Variants in PTGFRN observed in about 807,000 individuals in gnomAD.
PTGFRN encodes the protein prostaglandin F2 receptor negative regulator.
In PTGFRN, 35 loss-of-function variants were observed where a neutral mutation model predicts 83.2. The ratio of observed to expected loss-of-function variants is 0.42; its 90% CI spans 0.32 to 0.56. The LOEUF (loss-of-function observed/expected upper bound fraction) is 0.56, where lower values mean the gene tolerates loss of function less well. Among genes scored for constraint, PTGFRN ranks in the 20% least tolerant of loss-of-function variants. The pLI is 0.11. For synonymous variants in PTGFRN, 519 were observed against 498.6 expected (o/e 1.04, Z -0.55); for missense variants, 1,051 against 1,179.5 (o/e 0.89, Z 1.60).
chr1:116,967,664 A>T (rs1650879301), intron 6 of PTGFRN, among the ~76,000 whole-genome samples: 2 of 152,150 alleles, frequency 1.3e-5, no homozygotes. Flanking sequence ...TGGACATTTC[A>T]CATAAATGGA....
At chr1:116,959,776 C>T (rs1317525706) in intron 4 of PTGFRN, among the ~76,000 whole-genome samples, 1 of 151,980 alleles carries the variant, frequency 6.6e-6, no homozygotes, top group Non-Finnish European at 1.5e-5. Context: ...GAGTTTGAGA[C>T]CAGCCTGTCC....
chr1:116,912,869 T>G (rs1477027979), intron 1 of PTGFRN, among the ~76,000 whole-genome samples: 1 of 152,222 alleles, frequency 6.6e-6, no homozygotes, highest in Non-Finnish European at 1.5e-5. Context: ...TGCCTGCGTA[T>G]TAATATTTCC....
intron 3 of PTGFRN, among the ~76,000 whole-genome samples, chr1:116,948,321 G>A (rs1471498068): frequency 6.6e-6 from 1 of 152,234 alleles, no homozygotes; most frequent in African/African-American, 2.4e-5. Flanking sequence ...TCTGCCTTGA[G>A]TCTGTGACAC....
At chr1:116,956,775 A>G (rs538984687) in intron 4 of PTGFRN, among the ~76,000 whole-genome samples, 5 of 152,204 alleles carry the variant, frequency 3.3e-5, no homozygotes, top group African/African-American at 1.2e-4. Context: ...GTCAAGTGGC[A>G]ATGGGAGGTT....
At chr1:116,973,264 A>G (rs961190770) in intron 6 of PTGFRN, among the ~76,000 whole-genome samples, 1 of 152,104 alleles carries the variant, frequency 6.6e-6, no homozygotes, top group Non-Finnish European at 1.5e-5. Context: ...CTTTTCAGCA[A>G]AAAGTACTGA....
intron 4 of PTGFRN, among the ~76,000 whole-genome samples, chr1:116,953,227 G>A (rs1650392787): frequency 6.6e-6 from 1 of 152,248 alleles, no homozygotes; most frequent in African/African-American, 2.4e-5. Flanking sequence ...CTCTTCAGCA[G>A]TGTGCCAGCA....
In PTGFRN at chr1:116,941,755, C is replaced by A; in HGVS notation, c.90C>A (p.Thr30=). The A allele has an allele frequency of 6.2e-7, 1 of 1,614,056 alleles. No homozygotes were observed. The highest frequency in any genetic ancestry group is 1.1e-5 in the South Asian group (1 of 91,074). Residue 30 remains threonine, a synonymous_variant, in exon 2 of 9, where the codon ACC becomes ACA. Transcript: ENST00000393203. This position sits in a 1 kb window ranked among gnomAD's most constrained non-coding sequence, Gnocchi z 5.0. ...RGRVVRVPTA[T]LVRVVGTELV... ...GTGTGGTGAGAGTCCCCACAGCGACCCTGGTTCGAGTGGTGGGCACTGAGC... is the reference window on the plus strand; with the variant it reads ...GTGTGGTGAGAGTCCCCACAGCGACACTGGTTCGAGTGGTGGGCACTGAGC...
intron 1 of PTGFRN, among the ~76,000 whole-genome samples, chr1:116,940,783 T>C (rs1650040150): frequency 6.6e-6 from 1 of 152,220 alleles, no homozygotes; most frequent in Non-Finnish European, 1.5e-5. Context: ...CTCTTTTATA[T>C]GTTATTGCAA....
Position 116,964,085 on chromosome 1 carries a change from C to CG in PTGFRN, c.1639+2417_1639+2418insG, listed in dbSNP as rs542626851. Reference sequence around the variant, plus strand: ...ATGAGCCACCGTGCCGGGCGCCCCCCCTTTTTTATGCTAGTCTTGATCTTC... The same window carrying CG: ...ATGAGCCACCGTGCCGGGCGCCCCCCGCTTTTTTATGCTAGTCTTGATCTTC... On this transcript the variant is annotated intron_variant, in intron 5 of 8. Coordinates refer to ENST00000393203, the MANE Select transcript of PTGFRN (RefSeq NM_020440.4). Among the ~76,000 whole-genome samples, 2 of 150,638 alleles carry CG rather than the reference C, an allele frequency of 1.3e-5. 1 individual carries two copies. The highest frequency in any genetic ancestry group is 4.2e-4 in the South Asian group (2 of 4,814).
chr1:116,948,010 A>G (rs1015868810), intron 3 of PTGFRN, among the ~76,000 whole-genome samples: 4 of 152,226 alleles, frequency 2.6e-5, no homozygotes, highest in African/African-American at 9.6e-5. Context: ...GGACATATTC[A>G]TATGAAAGTA....
chr1:116,964,424 C>A (rs1343196747), intron 5 of PTGFRN, among the ~76,000 whole-genome samples: 1 of 152,182 alleles, frequency 6.6e-6, no homozygotes, highest in Non-Finnish European at 1.5e-5. Context: ...GGGCTTTCTT[C>A]CAACTTTATT....
intron 6 of PTGFRN, among the ~76,000 whole-genome samples, chr1:116,971,799 A>G (rs1371645906): frequency 6.6e-6 from 1 of 152,242 alleles, no homozygotes; most frequent in Non-Finnish European, 1.5e-5. Flanking sequence ...GGAAACATAA[A>G]GAAAAAGTGA....
At chr1:116,921,045 A>G (rs543600198) in intron 1 of PTGFRN, among the ~76,000 whole-genome samples, 17 of 152,250 alleles carry the variant, frequency 1.1e-4, no homozygotes, top group Non-Finnish European at 2.1e-4. Context: ...GTTCAAAATG[A>G]TGCTGGATAA....
At chr1:116,936,827 A>T (rs1012626298) in intron 1 of PTGFRN, among the ~76,000 whole-genome samples, 1 of 152,220 alleles carries the variant, frequency 6.6e-6, no homozygotes, top group Non-Finnish European at 1.5e-5. Flanking sequence ...TTGAACAACT[A>T]CTATTTTACC....
chr1:116,929,997 T>C (rs1649754236), intron 1 of PTGFRN, among the ~76,000 whole-genome samples: 1 of 152,214 alleles, frequency 6.6e-6, no homozygotes, highest in Admixed American at 6.5e-5. Context: ...ATCAGTTCAT[T>C]TCTCTTTTCT....
intron 1 of PTGFRN, among the ~76,000 whole-genome samples, chr1:116,911,793 C>T (rs1470556563): frequency 1.3e-5 from 2 of 152,228 alleles, no homozygotes; most frequent in Non-Finnish European, 2.9e-5. Flanking sequence ...CAGGCATGCT[C>T]CACCACACCC....
At chr1:116,960,507 G>A (rs1012260648) in intron 4 of PTGFRN, among the ~76,000 whole-genome samples, 9 of 152,186 alleles carry the variant, frequency 5.9e-5, no homozygotes, top group Admixed American at 1.3e-4. Context: ...GAGAATGCTG[G>A]CTTCCCTCCC....
chr1:116,961,128 C>G lies in PTGFRN; in HGVS notation c.1214-115C>G, dbSNP rs1650647298. ...ACTGATTTCTGTCTCTCTAGTCCGG[C>G]AGGAGAAGCATTTAATTGTTAAAAC... On this transcript the variant is annotated intron_variant, in intron 4 of 8. Coordinates refer to ENST00000393203, the MANE Select transcript of PTGFRN (RefSeq NM_020440.4). The surrounding 1 kb of genome is among the most constrained non-coding windows in gnomAD (Gnocchi z 5.4). The G allele has an allele frequency of 1.8e-6, 2 of 1,127,924 alleles. No individual in the cohort carries two copies. The highest frequency in any genetic ancestry group is 1.6e-5 in the African/African-American group (1 of 63,872). The allele number at this position is 1,127,924 out of a possible 1,614,324, so 69.9% of individuals were successfully genotyped here. A position where few individuals can be genotyped will look rare whatever the true frequency, so the allele number is the denominator to read the frequency against.
chr1:116,931,026 G>A (rs1649785253), intron 1 of PTGFRN, among the ~76,000 whole-genome samples: 1 of 152,176 alleles, frequency 6.6e-6, no homozygotes, highest in Non-Finnish European at 1.5e-5. Flanking sequence ...ACCTGTTAGT[G>A]CATCTCTTTG....
Sources: allele counts gnomAD v4.1 joint callset (sites outside exome capture counted in the v4.1 genomes callset), GRCh38; gene constraint gnomAD v4.1.1; non-coding constraint Gnocchi (gnomAD v3.1); transcripts MANE v1.5; gene names NCBI Gene and HGNC (gene_info 2026-07-23, HGNC 2026-07-21).